HS6ST2: variants seen among roughly 807,000 people sequenced by gnomAD.
HS6ST2 encodes heparan sulfate 6-O-sulfotransferase 2.
In HS6ST2, 17 loss-of-function variants were observed where a neutral mutation model predicts 33.0. That is an observed-to-expected ratio of 0.52 (90% CI 0.35 to 0.77). The LOEUF (loss-of-function observed/expected upper bound fraction) is 0.77, where lower values mean the gene tolerates loss of function less well. HS6ST2 is among the 30% of genes least tolerant of loss of function. The probability of loss-of-function intolerance (pLI) is 0.01; values close to 1 mark genes in which losing one functional copy is unlikely to be tolerated. For missense variants in HS6ST2, 519 were observed against 551.7 expected (o/e 0.94, Z 0.59); for synonymous variants, 248 against 237.1 (o/e 1.05, Z -0.42).
At chrX:132,641,466 T>C (rs2063600971) in intron 4 of HS6ST2, among the ~76,000 whole-genome samples, 1 of 112,771 alleles carries the variant, frequency 8.9e-6, no homozygotes, top group Non-Finnish European at 1.9e-5. Context: ...TTTCTGTTCC[T>C]GCATTAATTC....
At chrX:132,698,949 A>C (rs2064122923) in intron 3 of HS6ST2, among the ~76,000 whole-genome samples, 1 of 112,027 alleles carries the variant, frequency 8.9e-6, no homozygotes, top group Non-Finnish European at 1.9e-5. Context: ...ATCTGTAATG[A>C]CTGAATTAAT....
chrX:132,932,281 A>T lies in HS6ST2; in HGVS notation c.947+24527T>A, dbSNP rs145927975. On this transcript the variant is annotated intron_variant, in intron 2 of 4. Coordinates refer to ENST00000370833, the MANE Select transcript of HS6ST2 (RefSeq NM_001394073.1). ...GGACACTGTCAAAAACAATACAGCA[A>T]TCACCCAACAATTAGTGGAGTCCAA... is the stretch of plus-strand genomic sequence containing the variant. Among the ~76,000 whole-genome samples, 1,075 of 111,082 alleles carry T rather than the reference A, an allele frequency of 9.7e-3. 22 individuals carry two copies. The East Asian group carries it at 0.099, about 10-fold the overall frequency.
intron 4 of HS6ST2, among the ~76,000 whole-genome samples, chrX:132,654,049 T>G (rs1277906267): frequency 9.0e-6 from 1 of 111,589 alleles, no homozygotes; most frequent in Non-Finnish European, 1.9e-5. Flanking sequence ...GGGAATCTAC[T>G]ACACAGCATA....
chrX:132,828,847 TATAA>T, intron 2 of HS6ST2, among the ~76,000 whole-genome samples: 1 of 103,100 alleles, frequency 9.7e-6, no homozygotes, highest in East Asian at 2.9e-4. Flanking sequence ...AATTTAAGTA[TATAA>T]ATATATATAT....
chrX:132,633,135 A>G (rs776768129), intron 4 of HS6ST2, among the ~76,000 whole-genome samples: 1 of 108,434 alleles, frequency 9.2e-6, no homozygotes, highest in South Asian at 4.1e-4. Flanking sequence ...AGACAGAAGG[A>G]TCAGCATGAG....
chrX:132,635,479 C>A (rs182114471), intron 4 of HS6ST2, among the ~76,000 whole-genome samples: 165 of 111,715 alleles, frequency 1.5e-3, no homozygotes, highest in African/African-American at 4.6e-3. Flanking sequence ...AAGCCAAGCT[C>A]CTCCACATGC....
chrX:132,706,725 C>T (rs974424745), intron 3 of HS6ST2, among the ~76,000 whole-genome samples: 8 of 111,824 alleles, frequency 7.2e-5, no homozygotes, highest in South Asian at 7.4e-4. Flanking sequence ...TATGAGGCAG[C>T]GATAATCATA....
rs755850842 is a variant in HS6ST2 at position 132,628,123 on chromosome X, A to T, written c.*100T>A. Reference sequence around the variant, plus strand: ...TAAACTTTTTTTTAAAACTTCCCCAATGAAGGAAGCAGGATGTGTTTGGAC... The same window carrying T: ...TAAACTTTTTTTTAAAACTTCCCCATTGAAGGAAGCAGGATGTGTTTGGAC... On this transcript the variant is annotated 3_prime_UTR_variant, in exon 5 of 5. Transcript: ENST00000370833. The T allele has an allele frequency of 1.2e-5, 8 of 642,709 alleles. No homozygotes were observed. The South Asian group carries it at 1.3e-4, about 10-fold the overall frequency. 53.0% of individuals were successfully genotyped at this position (642,709 alleles called of 1,213,427 possible).
intron 2 of HS6ST2, among the ~76,000 whole-genome samples, chrX:132,726,547 G>A (rs932175397): frequency 8.9e-6 from 1 of 111,821 alleles, no homozygotes; most frequent in African/African-American, 3.2e-5. Context: ...TCCAATTAAA[G>A]TATACAATGG....
In HS6ST2 at chrX:132,666,795, A is replaced by G. The variant is rs1268599641; in HGVS notation, c.1067+2318T>C. 5.4e-5 allele frequency among the ~76,000 whole-genome samples: 6 copies of G among 111,924 alleles called. No homozygotes were observed. In the East Asian group the frequency reaches 1.1e-3, roughly 21 times the overall value. On this transcript the variant is annotated intron_variant, in intron 4 of 4. Transcript: ENST00000370833. ...AGCCTGTGTCTGGCCTCAAAATAAC[A>G]TAGGGAAATTCTTAAAAACTGCTCT...
At chrX:132,930,219 T>A (rs2066752794) in intron 2 of HS6ST2, among the ~76,000 whole-genome samples, 1 of 111,298 alleles carries the variant, frequency 9.0e-6, no homozygotes, top group African/African-American at 3.3e-5. Flanking sequence ...TAGAGTGCAT[T>A]GGCATGATCT....
chrX:132,791,184 A>G (rs975737055), intron 2 of HS6ST2, among the ~76,000 whole-genome samples: 1 of 111,385 alleles, frequency 9.0e-6, no homozygotes, highest in Middle Eastern at 4.6e-3. Context: ...AAATCTTAAG[A>G]TATGTTTGTG....
intron 2 of HS6ST2, among the ~76,000 whole-genome samples, chrX:132,800,373 C>A (rs1208044365): frequency 9.0e-6 from 1 of 111,524 alleles, no homozygotes; most frequent in Non-Finnish European, 1.9e-5. Context: ...AAGCTCAGGG[C>A]TCCCACTGAT....
intron 4 of HS6ST2, among the ~76,000 whole-genome samples, chrX:132,633,251 G>GC (rs1172666869): frequency 2.7e-5 from 3 of 110,098 alleles, no homozygotes; most frequent in Non-Finnish European, 3.8e-5. Context: ...TGGAGAGGGA[G>GC]CCCAGGACCT....
At chrX:132,815,170 GA>G (rs2065383547) in intron 2 of HS6ST2, among the ~76,000 whole-genome samples, 1 of 112,069 alleles carries the variant, frequency 8.9e-6, no homozygotes, top group Admixed American at 9.5e-5. Context: ...AATTATGTAT[GA>G]ATACAGTCAG....
At chrX:132,801,494 A>T (rs1051365369) in intron 2 of HS6ST2, among the ~76,000 whole-genome samples, 1 of 111,677 alleles carries the variant, frequency 9.0e-6, no homozygotes, top group East Asian at 2.8e-4. Flanking sequence ...TGAAAAGAAG[A>T]CTTGGCAGGA....
At chrX:132,792,053 T>C (rs2065123380) in intron 2 of HS6ST2, among the ~76,000 whole-genome samples, 1 of 112,476 alleles carries the variant, frequency 8.9e-6, no homozygotes, top group South Asian at 3.7e-4. Flanking sequence ...CTTTCATTAA[T>C]AGAATATCTG....
chrX:132,799,714 TGCCACAGAATGGTTTTGTGA>T (rs2065217533), intron 2 of HS6ST2, among the ~76,000 whole-genome samples: 1 of 111,014 alleles, frequency 9.0e-6, no homozygotes, highest in African/African-American at 3.3e-5. Flanking sequence ...AATCTACTTC[TGCCACAGAATGGTTTTGTGA>T]GCAGTATGTA....
At chrX:132,784,994 T>C (rs999170701) in intron 2 of HS6ST2, among the ~76,000 whole-genome samples, 53 of 111,793 alleles carry the variant, frequency 4.7e-4, no homozygotes, top group African/African-American at 1.5e-3. Context: ...TGTCCAGAGA[T>C]ATGGACCCCT....
Sources: gnomAD v4.1 joint callset for allele counts (sites outside exome capture counted in the v4.1 genomes callset) on GRCh38, gnomAD v4.1.1 for gene constraint, MANE v1.5 for transcripts, NCBI Gene and HGNC (gene_info 2026-07-23, HGNC 2026-07-21) for gene names.